The following PRIM2 variants were observed in gnomAD, a reference collection of about 807,000 sequenced individuals.
The protein encoded by PRIM2 is DNA primase large subunit.
A neutral mutation model predicts 67.3 loss-of-function variants in PRIM2; 39 were observed. That is an observed-to-expected ratio of 0.58 (90% CI 0.45 to 0.76). The LOEUF is 0.76. PRIM2 is among the 30% of genes least tolerant of loss of function. The pLI is 0.00. For missense variants in PRIM2, 398 were observed against 598.7 expected, an observed-to-expected ratio of 0.66 and a Z score of 3.50; for synonymous variants, 143 against 198.7, an observed-to-expected ratio of 0.72 and a Z score of 2.36.
intron 12 of PRIM2, among the ~76,000 whole-genome samples, chr6:57,610,888 C>T (rs1776655078): frequency 6.6e-6 from 1 of 152,038 alleles, no homozygotes; most frequent in Non-Finnish European, 1.5e-5. Context: ...AACATGTTAC[C>T]CAACAACAGG....
chr6:57,347,763 C>T (rs964004488), intron 5 of PRIM2, among the ~76,000 whole-genome samples: 6 of 152,142 alleles, frequency 3.9e-5, no homozygotes, highest in Non-Finnish European at 5.9e-5. Context: ...TAATTTAATC[C>T]TCACAACAGC....
intron 5 of PRIM2, among the ~76,000 whole-genome samples, chr6:57,366,051 A>G (rs1581832014): frequency 1.3e-5 from 2 of 151,628 alleles, no homozygotes; most frequent in Middle Eastern, 3.4e-3. Context: ...ATAAATGCTT[A>G]TAGTATTGTA....
At chr6:57,553,830 T>G (rs1258883673) in intron 10 of PRIM2, among the ~76,000 whole-genome samples, 1 of 152,318 alleles carries the variant, frequency 6.6e-6, no homozygotes, top group East Asian at 1.9e-4. Flanking sequence ...AAGCTTTGCC[T>G]TGGCCACATG....
chr6:57,374,366 T>C (rs1443300502), intron 5 of PRIM2, among the ~76,000 whole-genome samples: 1 of 150,188 alleles, frequency 6.7e-6, no homozygotes, highest in African/African-American at 2.5e-5. Context: ...CGATCTCGAC[T>C]CACTGCAAGC....
chr6:57,272,620 A>G, the PRIM2 span, among the ~76,000 whole-genome samples: 3,624 of 152,274 alleles, frequency 0.024, 68 homozygotes, highest in Non-Finnish European at 0.04. Flanking sequence ...CATTTAGTCC[A>G]TTTACATTCA....
At chr6:57,469,235 G>A (rs1329819506) in intron 7 of PRIM2, among the ~76,000 whole-genome samples, 6 of 152,236 alleles carry the variant, frequency 3.9e-5, no homozygotes, top group African/African-American at 1.4e-4. Context: ...TTATGTTGCT[G>A]AGAAGCACAG....
At chr6:57,641,199 A>C (rs1216716583) in intron 13 of PRIM2, among the ~76,000 whole-genome samples, 4 of 152,114 alleles carry the variant, frequency 2.6e-5, no homozygotes, top group Admixed American at 2.0e-4. Context: ...CAGAAAACTG[A>C]AACTGGACCC....
intron 8 of PRIM2, among the ~76,000 whole-genome samples, chr6:57,525,339 G>T (rs1554349267): frequency 3.2e-4 from 48 of 151,950 alleles, no homozygotes; most frequent in Non-Finnish European, 6.0e-4. Flanking sequence ...TATATTTAAC[G>T]TTGTTAAACT....
At chr6:57,356,739 T>G (rs566904396) in intron 5 of PRIM2, among the ~76,000 whole-genome samples, 20 of 152,256 alleles carry the variant, frequency 1.3e-4, no homozygotes, top group African/African-American at 4.8e-4. Flanking sequence ...AATTTAGTTA[T>G]TTTTTGGCTT....
At chr6:57,601,030 T>C (rs1776454763) in intron 10 of PRIM2, 63 bp from the exon 11 acceptor site, 1 of 1,447,700 alleles carries the variant, frequency 6.9e-7, no homozygotes, top group Non-Finnish European at 9.3e-7. Flanking sequence ...TAGCTTGTGT[T>C]GCTGACCTCA....
intron 7 of PRIM2, among the ~76,000 whole-genome samples, chr6:57,492,086 G>T (rs1430741742): frequency 6.6e-6 from 1 of 152,138 alleles, no homozygotes; most frequent in East Asian, 1.9e-4. Context: ...CACTTGTGGG[G>T]CGTGTCAGAG....
intron 5 of PRIM2, among the ~76,000 whole-genome samples, chr6:57,356,849 G>A (rs994684130): frequency 6.6e-6 from 1 of 151,296 alleles, no homozygotes; most frequent in Non-Finnish European, 1.5e-5. Flanking sequence ...ATGCCTAAAT[G>A]TCTCTAGAAT....
intron 7 of PRIM2, among the ~76,000 whole-genome samples, chr6:57,420,023 A>G (rs1355054064): frequency 6.6e-6 from 1 of 152,202 alleles, no homozygotes; most frequent in African/African-American, 2.4e-5. Flanking sequence ...GGATGTGAGC[A>G]GAGACTTTCT....
At chr6:57,357,519 T>C (rs1381950116) in intron 5 of PRIM2, among the ~76,000 whole-genome samples, 1 of 152,156 alleles carries the variant, frequency 6.6e-6, no homozygotes, top group African/African-American at 2.4e-5. Context: ...TTCTGACTCA[T>C]CTGTCATGTA....
intron 7 of PRIM2, among the ~76,000 whole-genome samples, chr6:57,392,278 T>C (rs1770377840): frequency 6.6e-6 from 1 of 152,146 alleles, no homozygotes; most frequent in African/African-American, 2.4e-5. Context: ...GGACTGAGAC[T>C]GTGGAATTTT....
chr6:57,251,038 TG>T, the PRIM2 span, among the ~76,000 whole-genome samples: 2 of 152,300 alleles, frequency 1.3e-5, no homozygotes, highest in East Asian at 3.9e-4. Context: ...ATACTCAACC[TG>T]TAGTTGTTTT....
chr6:57,525,237 A>G (rs1438977125), intron 8 of PRIM2, among the ~76,000 whole-genome samples: 2 of 152,206 alleles, frequency 1.3e-5, no homozygotes, highest in Admixed American at 1.3e-4. Flanking sequence ...CTACGCCCTT[A>G]TCACATTCTT....
Position 57,513,564 on chromosome 6 carries a change from G to A in PRIM2, c.761+6110G>A, listed in dbSNP as rs1161002484. ...ATCCCTTGACTTCAAGATATGAAGT[G>A]CATTGGGGGACAGCATATTATAAGT... On this transcript the variant is annotated intron_variant, in intron 8 of 13. Transcript: ENST00000615550. Among the ~76,000 whole-genome samples the A allele has an allele frequency of 1.2e-3, 189 of 152,206 alleles. 5 individuals are homozygous for A. The East Asian group carries it at 0.016, about 13-fold the overall frequency.
At chr6:57,572,705 C>A (rs1337077909) in intron 10 of PRIM2, among the ~76,000 whole-genome samples, 1 of 152,160 alleles carries the variant, frequency 6.6e-6, no homozygotes, top group Non-Finnish European at 1.5e-5. Flanking sequence ...AGTTCACTGT[C>A]CAGATTGGAT....
Sources: allele counts gnomAD v4.1 joint callset (sites outside exome capture counted in the v4.1 genomes callset), GRCh38; gene constraint gnomAD v4.1.1; transcripts MANE v1.5; gene names NCBI Gene and HGNC (gene_info 2026-07-23, HGNC 2026-07-21).